MMP16: variants seen among roughly 807,000 people sequenced by gnomAD.
MMP16 encodes the protein matrix metallopeptidase 16, also known as matrix metalloproteinase-16.
A neutral mutation model predicts 67.8 loss-of-function variants in MMP16; 12 were observed. That is an observed-to-expected ratio of 0.18 (90% CI 0.11 to 0.29). The LOEUF (loss-of-function observed/expected upper bound fraction) is 0.29, where lower values mean the gene tolerates loss of function less well. Ranked by LOEUF, MMP16 falls within the 10% of genes least tolerant of loss-of-function variation. The pLI is 1.00. For synonymous variants in MMP16, 249 were observed against 255.9 expected, an observed-to-expected ratio of 0.97 and a Z score of 0.26; for missense variants, 475 against 765.7, an observed-to-expected ratio of 0.62 and a Z score of 4.48.
At chr8:88,293,974 C>T (rs933510779) in intron 1 of MMP16, among the ~76,000 whole-genome samples, 1 of 152,004 alleles carries the variant, frequency 6.6e-6, no homozygotes, top group African/African-American at 2.4e-5. Context: ...CACTAAAACA[C>T]TTCAAAGCTA....
intron 9 of MMP16, 91 bp downstream of exon 9, chr8:88,046,578 C>T (rs1381754642): frequency 4.0e-6 from 3 of 755,596 alleles, no homozygotes; most frequent in Non-Finnish European, 6.3e-6. Flanking sequence ...TAGTATAGCA[C>T]TTTCCAATGG....
At chr8:88,059,502 C>T (rs989572437) in intron 7 of MMP16, among the ~76,000 whole-genome samples, 2 of 152,014 alleles carry the variant, frequency 1.3e-5, no homozygotes, top group South Asian at 4.1e-4. Flanking sequence ...CTTATTTTCC[C>T]TCTTTGGGTA....
intron 4 of MMP16, among the ~76,000 whole-genome samples, chr8:88,125,321 G>A (rs1353170428): frequency 1.3e-5 from 2 of 151,646 alleles, no homozygotes; most frequent in African/African-American, 4.8e-5. Context: ...GAGGTTTGCT[G>A]GGAATGTTAG....
At chr8:88,256,111 C>A (rs569161592) in intron 1 of MMP16, among the ~76,000 whole-genome samples, 1 of 152,176 alleles carries the variant, frequency 6.6e-6, no homozygotes, top group East Asian at 1.9e-4. Flanking sequence ...ATTTTTAACC[C>A]ATTTATTCTT....
At chr8:88,217,326 C>CA (rs1809610043) in intron 1 of MMP16, among the ~76,000 whole-genome samples, 1 of 152,056 alleles carries the variant, frequency 6.6e-6, no homozygotes, top group African/African-American at 2.4e-5. Flanking sequence ...TATGCATATA[C>CA]ATGTTTCTAT....
intron 1 of MMP16, among the ~76,000 whole-genome samples, chr8:88,320,106 C>A (rs951386032): frequency 3.3e-5 from 5 of 152,184 alleles, no homozygotes; most frequent in African/African-American, 1.2e-4. Context: ...AAAAACATTT[C>A]TTAGGCTCCT....
At chr8:88,181,813 T>C (rs1029512746) in intron 3 of MMP16, among the ~76,000 whole-genome samples, 2 of 151,942 alleles carry the variant, frequency 1.3e-5, no homozygotes, top group Non-Finnish European at 2.9e-5. Flanking sequence ...ATTGGATTAA[T>C]AACAAATACA....
At chr8:88,094,310 T>G (rs997163485) in intron 6 of MMP16, among the ~76,000 whole-genome samples, 1 of 151,796 alleles carries the variant, frequency 6.6e-6, no homozygotes, top group Non-Finnish European at 1.5e-5. Flanking sequence ...CAAAATTATA[T>G]ATAGACTAAC....
chr8:88,080,244 T>C (rs1808723034), intron 6 of MMP16, among the ~76,000 whole-genome samples: 2 of 152,124 alleles, frequency 1.3e-5, no homozygotes, highest in African/African-American at 2.4e-5. Flanking sequence ...CAAACTGTCA[T>C]AGGATGAGTA....
chr8:88,259,841 C>T (rs1810359554), intron 1 of MMP16, among the ~76,000 whole-genome samples: 1 of 152,178 alleles, frequency 6.6e-6, no homozygotes, highest in African/African-American at 2.4e-5. Context: ...CTGCCTCACG[C>T]ATCAATGTCA....
At chr8:88,102,301 C>A (rs1213643062) in intron 6 of MMP16, among the ~76,000 whole-genome samples, 1 of 151,832 alleles carries the variant, frequency 6.6e-6, no homozygotes, top group Non-Finnish European at 1.5e-5. Flanking sequence ...ACTATCCGAT[C>A]CCCTTTGGGT....
At position 88,215,525 on chromosome 8, in the gene MMP16, A is replaced by G. The variant is rs555310013; in HGVS notation, c.133-18219T>C. 5.9e-5 allele frequency among the ~76,000 whole-genome samples: 9 copies of G among 152,182 alleles called. No individual in the cohort carries two copies. In the East Asian group the frequency reaches 1.6e-3, roughly 26 times the overall value. ...GGAAGCTCTATCCACAGAGAAAAGA[A>G]GACAAAAGAAAGAACAGGTTGAGAT... On this transcript the variant is annotated intron_variant, in intron 1 of 9. Transcript: ENST00000286614.
intron 6 of MMP16, among the ~76,000 whole-genome samples, chr8:88,106,770 A>C (rs936882094): frequency 3.3e-5 from 5 of 151,090 alleles, no homozygotes; most frequent in Non-Finnish European, 7.4e-5. Flanking sequence ...TCTTCATGTA[A>C]TTTTTCAACT....
chr8:88,260,759 TA>T (rs1025938314), intron 1 of MMP16, among the ~76,000 whole-genome samples: 1 of 152,168 alleles, frequency 6.6e-6, no homozygotes, highest in Non-Finnish European at 1.5e-5. Context: ...ATATGAAGTA[TA>T]AACATAGCTA....
At position 88,037,617 on chromosome 8, in the gene MMP16, G is replaced by A. The variant is rs748293379; in HGVS notation, c.*3844C>T. The A allele has an allele frequency of 6.6e-6, 1 of 151,882 alleles. No individual in the cohort carries two copies. Among genetic ancestry groups the A allele is most frequent in the Admixed American group, 6.6e-5 (1 of 15,218 alleles). 9.4% of individuals were successfully genotyped at this position (151,882 alleles called of 1,614,324 possible). ...GCATCTGTATTCACCTGCTCTGACTGCCATGTCAACAGACACTGTTCTGAA... is the reference window on the plus strand; with the variant it reads ...GCATCTGTATTCACCTGCTCTGACTACCATGTCAACAGACACTGTTCTGAA... On this transcript the variant is annotated 3_prime_UTR_variant, in exon 10 of 10. Transcript: ENST00000286614.
chr8:88,170,944 T>C (rs1020263071), intron 3 of MMP16, among the ~76,000 whole-genome samples: 1 of 152,188 alleles, frequency 6.6e-6, no homozygotes, highest in African/African-American at 2.4e-5. Context: ...CATGGAGATA[T>C]GAAGAATTAG....
intron 4 of MMP16, among the ~76,000 whole-genome samples, chr8:88,161,714 CT>C (rs1295765871): frequency 6.6e-6 from 1 of 152,094 alleles, no homozygotes; most frequent in Non-Finnish European, 1.5e-5. Context: ...CGTCTACACA[CT>C]GCTTTAAACG....
intron 1 of MMP16, among the ~76,000 whole-genome samples, chr8:88,260,300 T>C (rs2129946072): frequency 6.6e-6 from 1 of 152,240 alleles, no homozygotes; most frequent in East Asian, 1.9e-4. Context: ...GTTTTTTTTG[T>C]TTTTATTTTT....
chr8:88,101,018 C>T (rs980257501), intron 6 of MMP16, among the ~76,000 whole-genome samples: 6 of 151,726 alleles, frequency 4.0e-5, no homozygotes, highest in African/African-American at 1.2e-4. Context: ...AGGGGATATA[C>T]CTAACGATGA....
Sources: allele counts gnomAD v4.1 joint callset (sites outside exome capture counted in the v4.1 genomes callset), GRCh38; gene constraint gnomAD v4.1.1; transcripts MANE v1.5; gene names NCBI Gene and HGNC (gene_info 2026-07-23, HGNC 2026-07-21).